The following DNAJC5B variants were observed in gnomAD, a reference collection of about 807,000 sequenced individuals.
DNAJC5B encodes the protein DnaJ heat shock protein family (Hsp40) member C5 beta.
In DNAJC5B, 23 loss-of-function variants were observed where a neutral mutation model predicts 24.7. The observed-to-expected ratio is 0.93, with a 90% CI of 0.67 to 1.32. DNAJC5B has a LOEUF of 1.32. Among genes scored for constraint, DNAJC5B ranks in the 40% most tolerant of loss-of-function variants. The pLI, the probability that DNAJC5B is intolerant of heterozygous loss-of-function variation, is 0.00. For missense variants in DNAJC5B, 238 were observed against 240.8 expected, an observed-to-expected ratio of 0.99 and a Z score of 0.08; for synonymous variants, 101 against 90.1, an observed-to-expected ratio of 1.12 and a Z score of -0.68.
At chr8:66,051,471 T>TC (rs1392630008) in intron 2 of DNAJC5B, 60 bp from the exon 3 acceptor site, 11 of 953,416 alleles carry the variant, frequency 1.2e-5, no homozygotes, top group Middle Eastern at 2.2e-4. Context: ...TGAGCTGTCT[T>TC]CCCCTTTAGA....
chr8:66,050,346 A>C (rs1423411032), intron 2 of DNAJC5B, among the ~76,000 whole-genome samples: 1 of 152,190 alleles, frequency 6.6e-6, no homozygotes, highest in Non-Finnish European at 1.5e-5. Flanking sequence ...TTATTGGCTC[A>C]ACCCAAGGAA....
chr8:66,076,987 A>G lies in DNAJC5B; in HGVS notation c.333+114A>G. On this transcript the variant is annotated intron_variant, in intron 4 of 5. Coordinates refer to ENST00000276570, the MANE Select transcript of DNAJC5B (RefSeq NM_033105.6). ...TTCCTGCTATTAAACTCTGGTAAAT[A>G]AAAGGAGATATTGCTTCCACTGAAT... is the stretch of plus-strand genomic sequence containing the variant. The G allele has an allele frequency of 2.8e-6, 3 of 1,073,100 alleles. No homozygotes were observed. In the South Asian group the frequency reaches 4.6e-5, roughly 16 times the overall value. 66.5% of individuals were successfully genotyped at this position (1,073,100 alleles called of 1,614,324 possible).
chr8:66,087,283 T>C (rs1032528402), intron 5 of DNAJC5B, among the ~76,000 whole-genome samples: 3 of 152,140 alleles, frequency 2.0e-5, no homozygotes, highest in African/African-American at 7.2e-5. Context: ...TCACTCACTA[T>C]TGTGAGAATG....
At chr8:66,037,392 T>G (rs1586069497) in intron 1 of DNAJC5B, among the ~76,000 whole-genome samples, 3 of 151,764 alleles carry the variant, frequency 2.0e-5, no homozygotes, top group Non-Finnish European at 2.9e-5. Flanking sequence ...TGTGAAGGGG[T>G]AGCTGGGCTG....
At chr8:66,055,283 G>A (rs528963285) in intron 3 of DNAJC5B, among the ~76,000 whole-genome samples, 2 of 152,286 alleles carry the variant, frequency 1.3e-5, no homozygotes, top group African/African-American at 4.8e-5. Context: ...TATTCAAAAT[G>A]TATGAGTAAG....
chr8:66,080,059 G>A (rs567691457), intron 4 of DNAJC5B, among the ~76,000 whole-genome samples: 167 of 152,146 alleles, frequency 1.1e-3, no homozygotes, highest in African/African-American at 3.1e-3. Context: ...TTTGGTTTTT[G>A]TCTTGCTTTG....
At chr8:66,069,963 T>C (rs1807310001) in intron 3 of DNAJC5B, among the ~76,000 whole-genome samples, 1 of 152,200 alleles carries the variant, frequency 6.6e-6, no homozygotes, top group Non-Finnish European at 1.5e-5. Context: ...ACAAACCACA[T>C]GATTATCTCA....
At chr8:66,042,618 T>TCC (rs1409650977) in intron 1 of DNAJC5B, among the ~76,000 whole-genome samples, 5 of 150,520 alleles carry the variant, frequency 3.3e-5, no homozygotes, top group African/African-American at 1.2e-4. Flanking sequence ...CTTCTTCTTC[T>TCC]TCTTCTCCTT....
intron 5 of DNAJC5B, among the ~76,000 whole-genome samples, chr8:66,091,408 G>T (rs1392244382): frequency 6.6e-6 from 1 of 152,094 alleles, no homozygotes; most frequent in African/African-American, 2.4e-5. Context: ...AGGAGTTGAG[G>T]GGTAGGGGAT....
chr8:66,053,024 T>C (rs1194377376), intron 3 of DNAJC5B, among the ~76,000 whole-genome samples: 3 of 152,142 alleles, frequency 2.0e-5, no homozygotes, highest in African/African-American at 7.2e-5. Context: ...GAAGCAGTCC[T>C]CCTGCTTCAG....
intron 5 of DNAJC5B, among the ~76,000 whole-genome samples, chr8:66,089,065 G>A (rs1303922916): frequency 1.3e-5 from 2 of 152,300 alleles, no homozygotes; most frequent in African/African-American, 2.4e-5. Context: ...CTGAGACTGG[G>A]TAATTTATAA....
chr8:66,057,705 C>T (rs1179691207), intron 3 of DNAJC5B: 1 of 152,200 alleles, frequency 6.6e-6, no homozygotes, highest in Non-Finnish European at 1.5e-5. Context: ...CATGGCCAAA[C>T]ACCCATTTGA....
chr8:66,042,967 T>C (rs79949060), intron 1 of DNAJC5B, among the ~76,000 whole-genome samples: 1 of 152,098 alleles, frequency 6.6e-6, no homozygotes, highest in East Asian at 1.9e-4. Flanking sequence ...CATGTAAAAC[T>C]TTTTTAGTCT....
chr8:66,033,524 A>T (rs897528033), intron 1 of DNAJC5B, among the ~76,000 whole-genome samples: 1 of 152,064 alleles, frequency 6.6e-6, no homozygotes, highest in Non-Finnish European at 1.5e-5. Flanking sequence ...ATTCTTCTCC[A>T]TGACATCTTG....
At chr8:66,067,789 G>A (rs747036062) in intron 3 of DNAJC5B, among the ~76,000 whole-genome samples, 3 of 152,142 alleles carry the variant, frequency 2.0e-5, no homozygotes, top group Non-Finnish European at 2.9e-5. Flanking sequence ...CATCTTGGGA[G>A]CATATCTATC....
At chr8:66,075,951 A>G (rs964960657) in intron 3 of DNAJC5B, among the ~76,000 whole-genome samples, 4 of 152,238 alleles carry the variant, frequency 2.6e-5, no homozygotes, top group Non-Finnish European at 5.9e-5. Context: ...TAGACGTATG[A>G]TAGGCACAGT....
intron 5 of DNAJC5B, among the ~76,000 whole-genome samples, chr8:66,082,245 T>A (rs1161943959): frequency 1.3e-5 from 2 of 151,986 alleles, no homozygotes; most frequent in African/African-American, 2.4e-5. Flanking sequence ...CATCCTCCAC[T>A]GGGTCAACCT....
At chr8:66,022,867 T>G (rs533354327) in intron 1 of DNAJC5B, among the ~76,000 whole-genome samples, 2 of 152,342 alleles carry the variant, frequency 1.3e-5, no homozygotes, top group Non-Finnish European at 2.9e-5. Context: ...ACTTAAGACT[T>G]GAACATTAAA....
chr8:66,058,797 A>G (rs1456893034), intron 3 of DNAJC5B, among the ~76,000 whole-genome samples: 1 of 152,228 alleles, frequency 6.6e-6, no homozygotes, highest in African/African-American at 2.4e-5. Flanking sequence ...AGCTACCTCA[A>G]ATGACAGCTG....
Sources: allele counts gnomAD v4.1 joint callset (sites outside exome capture counted in the v4.1 genomes callset), GRCh38; gene constraint gnomAD v4.1.1; transcripts MANE v1.5; gene names NCBI Gene and HGNC (gene_info 2026-07-23, HGNC 2026-07-21).